Variants in JAK2 observed in about 807,000 individuals in gnomAD.
JAK2 encodes the protein Janus kinase 2.
Under a neutral mutation model 139.3 loss-of-function variants are expected in JAK2, and 86 were observed. The observed-to-expected ratio is 0.62, with a 90% CI of 0.52 to 0.74. The LOEUF (loss-of-function observed/expected upper bound fraction) is 0.74. JAK2 is among the 30% of genes least tolerant of loss of function. The pLI is 0.00. For missense variants in JAK2, 1,421 were observed against 1,360.3 expected, an observed-to-expected ratio of 1.04 and a Z score of -0.70; for synonymous variants, 490 against 437.7, an observed-to-expected ratio of 1.12 and a Z score of -1.49.
rs187293703 is a variant in JAK2 at position 5,037,964 on chromosome 9, A to G, written c.351-6439A>G. Among the ~76,000 whole-genome samples, 45 of 152,364 alleles carry G rather than the reference A, an allele frequency of 3.0e-4. No individual in the cohort carries two copies. In the East Asian group the frequency reaches 6.0e-3, roughly 20 times the overall value. ...TTTAAAACAGTGTATCCATTTAACAATTACTTAATGTACATGAATATATAG... is the reference window on the plus strand; with the variant it reads ...TTTAAAACAGTGTATCCATTTAACAGTTACTTAATGTACATGAATATATAG... On this transcript the variant is annotated intron_variant, in intron 4 of 24. Transcript: ENST00000381652.
chr9:5,071,549 A>T (rs1818949741), intron 12 of JAK2, among the ~76,000 whole-genome samples: 1 of 152,212 alleles, frequency 6.6e-6, no homozygotes. Context: ...GATGAAAAGT[A>T]AATTACTTAT....
chr9:4,994,589 C>T (rs567903690), intron 2 of JAK2, among the ~76,000 whole-genome samples: 2 of 152,328 alleles, frequency 1.3e-5, no homozygotes, highest in East Asian at 3.9e-4. Flanking sequence ...GATTGTTTCT[C>T]TTGCACCTAC....
chr9:5,024,418 T>C (rs777959907), intron 3 of JAK2, among the ~76,000 whole-genome samples: 1 of 152,134 alleles, frequency 6.6e-6, no homozygotes, highest in Non-Finnish European at 1.5e-5. Context: ...ATTGGCTCTG[T>C]GTTGGGGCTC....
At chr9:5,118,385 T>C (rs1356518436) in intron 22 of JAK2, among the ~76,000 whole-genome samples, 1 of 152,220 alleles carries the variant, frequency 6.6e-6, no homozygotes, top group Non-Finnish European at 1.5e-5. Context: ...AAGATATGTA[T>C]ATAAGTAAGT....
chr9:5,069,677 G>T (rs1818814049), intron 11 of JAK2, among the ~76,000 whole-genome samples: 1 of 151,944 alleles, frequency 6.6e-6, no homozygotes, highest in Non-Finnish European at 1.5e-5. Flanking sequence ...TAACTGGCAG[G>T]AATACATCAA....
At chr9:5,008,176 T>C (rs1821445593) in intron 2 of JAK2, among the ~76,000 whole-genome samples, 1 of 152,230 alleles carries the variant, frequency 6.6e-6, no homozygotes, top group African/African-American at 2.4e-5. Flanking sequence ...TTATAGTCTA[T>C]ACATAAAGTC....
At chr9:5,008,945 C>G (rs572598364) in intron 2 of JAK2, among the ~76,000 whole-genome samples, 9 of 152,092 alleles carry the variant, frequency 5.9e-5, no homozygotes, top group Admixed American at 2.6e-4. Flanking sequence ...GAGTCTAGGA[C>G]CTGGGAGTTT....
intron 2 of JAK2, among the ~76,000 whole-genome samples, chr9:5,016,393 G>A (rs1822061683): frequency 6.6e-6 from 1 of 152,144 alleles, no homozygotes; most frequent in South Asian, 2.1e-4. Context: ...ACCACAGACT[G>A]TGTATGTGTG....
In JAK2 at chr9:4,997,644, G is replaced by A. The variant is rs1002540163; in HGVS notation, c.-26+11622G>A. Among the ~76,000 whole-genome samples, 4 of 152,144 alleles carry A rather than the reference G, an allele frequency of 2.6e-5. No individual in the cohort carries two copies. The East Asian group carries it at 7.7e-4, about 29-fold the overall frequency. On this transcript the variant is annotated intron_variant, in intron 2 of 24. Transcript: ENST00000381652. ...ATTTAAAGGGGACAACATCCAAACT[G>A]TATCAACCTTGCTGTACCCCTCAGC...
At chr9:5,044,334 C>T in intron 4 of JAK2, 69 bp from the exon 5 acceptor site, 1 of 907,098 alleles carries the variant, frequency 1.1e-6, no homozygotes, top group South Asian at 1.4e-5. Flanking sequence ...CTGTAGGTGA[C>T]TATATATAGA....
chr9:5,072,388 T>C, intron 12 of JAK2, 104 bp from the exon 13 acceptor site: 1 of 755,890 alleles, frequency 1.3e-6, no homozygotes, highest in Non-Finnish European at 2.0e-6. Flanking sequence ...GGAAAATACT[T>C]GCTTATGGAT....
intron 22 of JAK2, among the ~76,000 whole-genome samples, chr9:5,117,138 C>G (rs1823255259): frequency 6.6e-6 from 1 of 152,212 alleles, no homozygotes; most frequent in Non-Finnish European, 1.5e-5. Flanking sequence ...AGAGAGCAGC[C>G]CTCACCACAC....
Position 5,021,962 on chromosome 9 carries a change from G to A in JAK2, c.-25-1G>A. 1 of 1,548,464 alleles carries A rather than the reference G, an allele frequency of 6.5e-7. No homozygotes were observed. Among genetic ancestry groups the A allele is most frequent in the East Asian group, 2.2e-5 (1 of 44,486 alleles). The stretch of plus-strand genomic sequence containing the variant: ...TGTAACTTTATTGTTTTCTCTTACA[G>A]GCAAATGTTCTGAAAAAGACTCTGC... On this transcript the variant is annotated splice_acceptor_variant, in intron 2 of 24. Transcript: ENST00000381652. LOFTEE classifies it low-confidence loss of function (5UTR_SPLICE).
At chr9:5,038,076 G>C (rs1305841126) in intron 4 of JAK2, among the ~76,000 whole-genome samples, 1 of 152,116 alleles carries the variant, frequency 6.6e-6, no homozygotes. Flanking sequence ...TAGTGATGCT[G>C]AGAATTTTTT....
intron 10 of JAK2, among the ~76,000 whole-genome samples, chr9:5,067,832 T>C (rs73393498): frequency 0.047 from 7,085 of 151,992 alleles, 366 homozygotes; most frequent in African/African-American, 0.12. Context: ...TAGGCAAATA[T>C]AGACAGTAAC....
chr9:5,047,192 C>G (rs1291969418), intron 5 of JAK2, among the ~76,000 whole-genome samples: 1 of 152,038 alleles, frequency 6.6e-6, no homozygotes, highest in African/African-American at 2.4e-5. Flanking sequence ...GTACTGTTAT[C>G]ATTTTATATT....
intron 22 of JAK2, among the ~76,000 whole-genome samples, chr9:5,122,527 A>G (rs559630344): frequency 6.0e-4 from 92 of 152,230 alleles, no homozygotes; most frequent in Non-Finnish European, 2.5e-4. Context: ...CTGTCTACAG[A>G]GACAAAAATA....
chr9:5,010,825 C>T (rs558367845), intron 2 of JAK2, among the ~76,000 whole-genome samples: 190 of 152,186 alleles, frequency 1.2e-3, no homozygotes, highest in African/African-American at 4.3e-3. Context: ...TATCTGAAAA[C>T]ATATTTGTTT....
intron 4 of JAK2, among the ~76,000 whole-genome samples, chr9:5,035,712 G>T (rs1203918418): frequency 2.6e-5 from 4 of 152,132 alleles, no homozygotes; most frequent in Non-Finnish European, 4.4e-5. Context: ...AATAAATTAG[G>T]TATTGATGGG....
Sources: gnomAD v4.1 joint callset for allele counts (sites outside exome capture counted in the v4.1 genomes callset) on GRCh38, gnomAD v4.1.1 for gene constraint, MANE v1.5 for transcripts, NCBI Gene and HGNC (gene_info 2026-07-23, HGNC 2026-07-21) for gene names.